Variants in ST3GAL3 observed in about 807,000 individuals in gnomAD.
ST3GAL3 encodes the protein ST3 beta-galactoside alpha-2,3-sialyltransferase 3, also known as CMP-N-acetylneuraminate-beta-1,4-galactoside alpha-2,3-sialyltransferase.
A neutral mutation model predicts 50.1 loss-of-function variants in ST3GAL3; 21 were observed. The ratio of observed to expected loss-of-function variants is 0.42; its 90% confidence interval spans 0.30 to 0.60. The LOEUF (loss-of-function observed/expected upper bound fraction) is 0.60, where lower values mean the gene tolerates loss of function less well. Ranked by LOEUF, ST3GAL3 falls within the 20% of genes least tolerant of loss-of-function variation. The pLI is 0.19. For missense variants in ST3GAL3, 353 were observed against 489.4 expected, an observed-to-expected ratio of 0.72 and a Z score of 2.63; for synonymous variants, 183 against 190.0, an observed-to-expected ratio of 0.96 and a Z score of 0.30.
intron 5 of ST3GAL3, among the ~76,000 whole-genome samples, chr1:43,862,325 G>C (rs926789807): frequency 6.6e-6 from 1 of 152,190 alleles, no homozygotes; most frequent in Non-Finnish European, 1.5e-5. Context: ...ACCTCTATCT[G>C]TAACAGTTCT....
chr1:43,928,136 T>C (rs903777048), intron 11 of ST3GAL3, among the ~76,000 whole-genome samples: 1 of 152,304 alleles, frequency 6.6e-6, no homozygotes, highest in East Asian at 1.9e-4. Context: ...AGCCATAAGT[T>C]CTTTGTAAAA....
intron 5 of ST3GAL3, chr1:43,879,510 A>G (rs904793565): frequency 4.6e-6 from 2 of 430,330 alleles, no homozygotes; most frequent in South Asian, 3.3e-5. Flanking sequence ...GGAGAGAGGT[A>G]AGTGGGTGAA....
At chr1:43,718,120 G>A (rs1409639179) in intron 1 of ST3GAL3, among the ~76,000 whole-genome samples, 1 of 149,148 alleles carries the variant, frequency 6.7e-6, no homozygotes, top group African/African-American at 2.5e-5. Flanking sequence ...TGATCTGCCT[G>A]CCTTGGCCTC....
intron 3 of ST3GAL3, among the ~76,000 whole-genome samples, chr1:43,803,373 C>CAA (rs139652535): frequency 2.2e-4 from 29 of 134,526 alleles, no homozygotes; most frequent in Non-Finnish European, 3.2e-4. Flanking sequence ...GATCCCACCT[C>CAA]AAAAAAAAAA....
At chr1:43,837,937 A>G (rs1156836987) in intron 4 of ST3GAL3, among the ~76,000 whole-genome samples, 1 of 152,040 alleles carries the variant, frequency 6.6e-6, no homozygotes, top group East Asian at 1.9e-4. Flanking sequence ...TTAATGTGGA[A>G]AAGTGCCTGA....
At chr1:43,894,344 T>TG (rs1277480283) in intron 5 of ST3GAL3, 39 bp from the exon 6 acceptor site, 3 of 1,599,082 alleles carry the variant, frequency 1.9e-6, no homozygotes, top group Non-Finnish European at 2.6e-6. Context: ...TCCAGACTGT[T>TG]GCGTTTTTGT....
chr1:43,894,727 C>CTT (rs2077144290), intron 6 of ST3GAL3, among the ~76,000 whole-genome samples: 1 of 151,948 alleles, frequency 6.6e-6, no homozygotes, highest in South Asian at 2.1e-4. Flanking sequence ...CAATCTCCAC[C>CTT]TTTAAGATCC....
At chr1:43,802,127 C>T (rs925431322) in intron 3 of ST3GAL3, among the ~76,000 whole-genome samples, 1 of 152,158 alleles carries the variant, frequency 6.6e-6, no homozygotes, top group African/African-American at 2.4e-5. Flanking sequence ...TAATTAAAAA[C>T]TAGAGCTTGT....
intron 4 of ST3GAL3, among the ~76,000 whole-genome samples, chr1:43,824,223 G>A (rs1271335771): frequency 1.3e-5 from 2 of 152,200 alleles, no homozygotes; most frequent in South Asian, 2.1e-4. Flanking sequence ...TTAGGGAGAC[G>A]GAGTACAGTG....
intron 2 of ST3GAL3, among the ~76,000 whole-genome samples, chr1:43,742,309 C>T (rs1681285580): frequency 6.6e-6 from 1 of 152,094 alleles, no homozygotes. Context: ...TACCGTAGAC[C>T]CGCCCTAACA....
At chr1:43,909,320 C>A (rs1356091306) in intron 9 of ST3GAL3, among the ~76,000 whole-genome samples, 3 of 152,186 alleles carry the variant, frequency 2.0e-5, no homozygotes, top group Non-Finnish European at 1.5e-5. Flanking sequence ...CTTTTGCTCT[C>A]TTCTTGCCTC....
At chr1:43,723,144 T>C (rs1671286383) in intron 1 of ST3GAL3, among the ~76,000 whole-genome samples, 1 of 151,594 alleles carries the variant, frequency 6.6e-6, no homozygotes, top group South Asian at 2.1e-4. Context: ...AGTCTCGTTC[T>C]ATTGCCCAGG....
rs1684260407 is a variant in ST3GAL3, at chr1:43,747,508, G to A, written c.118+11128G>A. Among the ~76,000 whole-genome samples, 5 of 150,804 alleles carry A rather than the reference G, an allele frequency of 3.3e-5. No individual in the cohort carries two copies. The South Asian group carries it at 8.3e-4, about 25-fold the overall frequency. ...CTGTCTCCAGGCATGCCACTCTCCC[G>A]CACCTCCACGTGTTCAACGGTCTGG... On this transcript the variant is annotated intron_variant, in intron 2 of 11. Coordinates refer to ENST00000347631, the MANE Select transcript of ST3GAL3 (RefSeq NM_006279.5).
intron 4 of ST3GAL3, among the ~76,000 whole-genome samples, chr1:43,836,767 C>CTATA (rs2064397503): frequency 6.6e-6 from 1 of 152,238 alleles, no homozygotes. Context: ...CATTCACTGA[C>CTATA]TATATCCTGT....
At chr1:43,768,114 A>G (rs1693792625) in intron 2 of ST3GAL3, among the ~76,000 whole-genome samples, 1 of 152,210 alleles carries the variant, frequency 6.6e-6, no homozygotes, top group Non-Finnish European at 1.5e-5. Context: ...TTTTCCAAGG[A>G]GCAAGTTTTT....
intron 1 of ST3GAL3, among the ~76,000 whole-genome samples, chr1:43,713,156 C>T (rs566592227): frequency 3.8e-4 from 58 of 152,310 alleles, no homozygotes; most frequent in African/African-American, 1.3e-3. Flanking sequence ...AGGATAGTTA[C>T]GCTGGTGCAA....
intron 2 of ST3GAL3, among the ~76,000 whole-genome samples, chr1:43,751,627 A>T (rs1016383934): frequency 3.9e-5 from 6 of 152,220 alleles, no homozygotes; most frequent in Admixed American, 3.3e-4. Context: ...ATGCATATGT[A>T]TACAGATAGG....
At chr1:43,775,888 A>C (rs1015268753) in intron 2 of ST3GAL3, among the ~76,000 whole-genome samples, 1 of 152,138 alleles carries the variant, frequency 6.6e-6, no homozygotes, top group African/African-American at 2.4e-5. Context: ...TAAGCAGTAA[A>C]GATCTCCCTA....
intron 2 of ST3GAL3, among the ~76,000 whole-genome samples, chr1:43,766,758 T>C (rs951205009): frequency 7.2e-5 from 11 of 152,152 alleles, no homozygotes; most frequent in Non-Finnish European, 1.5e-4. Flanking sequence ...TTCTGGACTT[T>C]TGTGTGAAGG....
Sources: allele counts gnomAD v4.1 joint callset (sites outside exome capture counted in the v4.1 genomes callset), GRCh38; gene constraint gnomAD v4.1.1; transcripts MANE v1.5; gene names NCBI Gene and HGNC (gene_info 2026-07-23, HGNC 2026-07-21).